Variants in PTPRN2 observed in about 807,000 individuals in gnomAD.
PTPRN2 encodes protein tyrosine phosphatase receptor type N2.
PTPRN2 carries 74 observed loss-of-function variants against 118.8 expected under a neutral mutation model. The ratio of observed to expected loss-of-function variants is 0.62; its 90% CI spans 0.52 to 0.76. The LOEUF is 0.76. PTPRN2 is among the 30% of genes least tolerant of loss of function. The pLI is 0.00. For missense variants in PTPRN2, 1,481 were observed against 1,394.4 expected, an observed-to-expected ratio of 1.06 and a Z score of -0.99; for synonymous variants, 641 against 608.0, an observed-to-expected ratio of 1.05 and a Z score of -0.80.
intron 2 of PTPRN2, among the ~76,000 whole-genome samples, chr7:158,366,594 C>G (rs1226552588): frequency 2.0e-5 from 3 of 152,226 alleles, no homozygotes. Context: ...TTTCCCCGAA[C>G]GCAGAGCCCC....
chr7:158,340,328 C>A (rs1806430927), intron 2 of PTPRN2, among the ~76,000 whole-genome samples: 1 of 104,162 alleles, frequency 9.6e-6, no homozygotes, highest in Non-Finnish European at 2.1e-5. Context: ...ACATCACTCA[C>A]ACCCACACTG....
intron 11 of PTPRN2, among the ~76,000 whole-genome samples, chr7:158,018,545 C>T (rs1019695411): frequency 6.6e-6 from 1 of 152,178 alleles, no homozygotes; most frequent in Non-Finnish European, 1.5e-5. Flanking sequence ...GAGGCCTCTA[C>T]AAGGAAAATC....
rs534845136 is a variant in PTPRN2, at chr7:157,944,242, G to A, written c.1724-45505C>T. Among the ~76,000 whole-genome samples, 3 of 152,230 alleles carry A rather than the reference G, an allele frequency of 2.0e-5. No individual in the cohort carries two copies. In the East Asian group the frequency reaches 5.8e-4, roughly 29 times the overall value. On this transcript the variant is annotated intron_variant, in intron 11 of 22. Coordinates refer to ENST00000389418, the MANE Select transcript of PTPRN2 (RefSeq NM_002847.5). This position sits in a 1 kb window ranked among gnomAD's most constrained non-coding sequence, Gnocchi z 4.3. ...CGGCATTTGACAAAGATTGAGCATG[G>A]TTCGTCGCGAACGCCAGCCTGCCCC... is the stretch of plus-strand genomic sequence containing the variant.
chr7:158,051,349 C>A (rs78733852), intron 11 of PTPRN2, among the ~76,000 whole-genome samples: 2 of 152,208 alleles, frequency 1.3e-5, no homozygotes, highest in Non-Finnish European at 2.9e-5. Flanking sequence ...CATTAAAGGA[C>A]AGGAAGCACA....
chr7:158,521,638 CACAAT>C (rs1356281819), intron 1 of PTPRN2, among the ~76,000 whole-genome samples: 1 of 107,466 alleles, frequency 9.3e-6, no homozygotes. Flanking sequence ...AGGTCCACGT[CACAAT>C]GGTGGACTGT....
chr7:158,279,752 G>A (rs1170974059), intron 3 of PTPRN2, among the ~76,000 whole-genome samples: 4 of 152,118 alleles, frequency 2.6e-5, no homozygotes, highest in Admixed American at 1.3e-4. Flanking sequence ...AGCCGGCTCC[G>A]GCCTCAGCAA....
At chr7:158,450,476 T>G (rs1818023116) in intron 2 of PTPRN2, among the ~76,000 whole-genome samples, 1 of 152,136 alleles carries the variant, frequency 6.6e-6, no homozygotes, top group Admixed American at 6.5e-5. Flanking sequence ...CAATATTAAG[T>G]GAATATTCAT....
At chr7:157,638,800 G>A (rs1169156211) in intron 14 of PTPRN2, among the ~76,000 whole-genome samples, 1 of 152,166 alleles carries the variant, frequency 6.6e-6, no homozygotes, top group African/African-American at 2.4e-5. Flanking sequence ...TCGTCACTCA[G>A]CCACGTGGAC....
chr7:158,540,819 G>A (rs771041719), intron 1 of PTPRN2, among the ~76,000 whole-genome samples: 35 of 152,344 alleles, frequency 2.3e-4, no homozygotes, highest in Middle Eastern at 3.4e-3. Context: ...ATCGACCTGT[G>A]GGGTTAGCAC....
intron 12 of PTPRN2, among the ~76,000 whole-genome samples, chr7:157,746,182 G>A (rs1185857817): frequency 1.5e-5 from 2 of 133,062 alleles, no homozygotes; most frequent in East Asian, 2.7e-4. Context: ...TGAAGATCAC[G>A]GGCCTCCCCT....
chr7:158,173,608 T>G (rs928205932), intron 5 of PTPRN2, among the ~76,000 whole-genome samples: 1 of 152,170 alleles, frequency 6.6e-6, no homozygotes, highest in Non-Finnish European at 1.5e-5. Flanking sequence ...AGACAACTGG[T>G]CTGACTAGAA....
chr7:157,549,922 T>G (rs1448086683), intron 21 of PTPRN2, among the ~76,000 whole-genome samples: 1 of 152,158 alleles, frequency 6.6e-6, no homozygotes, highest in Non-Finnish European at 1.5e-5. Context: ...CACGGTGAAC[T>G]GAGAACTGTG....
At chr7:158,136,735 A>G (rs780893941) in intron 7 of PTPRN2, 40 bp from the exon 8 acceptor site, 1 of 1,598,364 alleles carries the variant, frequency 6.3e-7, no homozygotes, top group South Asian at 1.1e-5. Context: ...CTCATCAAGA[A>G]TGTCATCACA....
intron 3 of PTPRN2, among the ~76,000 whole-genome samples, chr7:158,262,749 ATACACACAC>A (rs1187904056): frequency 6.7e-6 from 1 of 148,582 alleles, no homozygotes; most frequent in Non-Finnish European, 1.5e-5. Context: ...CACTGCACAT[ATACACACAC>A]TGCACACACA....
At chr7:158,356,062 ACACAT>A (rs1808363292) in intron 2 of PTPRN2, among the ~76,000 whole-genome samples, 1 of 152,204 alleles carries the variant, frequency 6.6e-6, no homozygotes, top group Admixed American at 6.5e-5. Flanking sequence ...GAGTTTTCAC[ACACAT>A]ATAAATCAAT....
rs185428221 is a variant in PTPRN2 at position 157,910,130 on chromosome 7, T to C, written c.1724-11393A>G. 1.2e-3 allele frequency among the ~76,000 whole-genome samples: 188 copies of C among 152,376 alleles called. 1 individual carries two copies. The highest frequency in any genetic ancestry group is 0.012 in the Admixed American group (182 of 15,314). Reference sequence around the variant, plus strand: ...GGATTCCTGATTTGCAGTCTCATGATTCTCTTCCAATACCGGCTGCCAGCC... The same window carrying C: ...GGATTCCTGATTTGCAGTCTCATGACTCTCTTCCAATACCGGCTGCCAGCC... On this transcript the variant is annotated intron_variant, in intron 11 of 22. Coordinates refer to ENST00000389418, the MANE Select transcript of PTPRN2 (RefSeq NM_002847.5).
chr7:157,907,139 C>T (rs766899671), intron 11 of PTPRN2, among the ~76,000 whole-genome samples: 1 of 152,334 alleles, frequency 6.6e-6, no homozygotes, highest in Middle Eastern at 3.4e-3. Flanking sequence ...CATAAAACCA[C>T]CTTCAAGGTG....
At chr7:158,031,123 G>C (rs781565037) in intron 11 of PTPRN2, 4 of 152,234 alleles carry the variant, frequency 2.6e-5, no homozygotes, top group Non-Finnish European at 4.4e-5. Flanking sequence ...AACACTACTT[G>C]CTGATAAACT....
chr7:158,407,158 G>GGTCCTGC (rs1563254231), intron 2 of PTPRN2, among the ~76,000 whole-genome samples: 8 of 109,958 alleles, frequency 7.3e-5, no homozygotes, highest in Admixed American at 3.0e-4. Flanking sequence ...CTGGGTCCTG[G>GGTCCTGC]GTCCTGGGTC....
Sources: allele counts gnomAD v4.1 joint callset (sites outside exome capture counted in the v4.1 genomes callset), GRCh38; gene constraint gnomAD v4.1.1; non-coding constraint Gnocchi (gnomAD v3.1); transcripts MANE v1.5; gene names NCBI Gene and HGNC (gene_info 2026-07-23, HGNC 2026-07-21).